The following LRRK2 variants were observed in gnomAD, a reference collection of about 807,000 sequenced individuals.
LRRK2 encodes leucine-rich repeat serine/threonine-protein kinase 2.
A neutral mutation model predicts 302.6 loss-of-function variants in LRRK2; 203 were observed. The observed-to-expected ratio is 0.67, with a 90% CI of 0.60 to 0.75. The LOEUF (loss-of-function observed/expected upper bound fraction) is 0.75, where lower values mean the gene tolerates loss of function less well. LRRK2 is among the 30% of genes least tolerant of loss of function. The probability of loss-of-function intolerance (pLI) is 0.00; values close to 1 mark genes in which losing one functional copy is unlikely to be tolerated. For missense variants in LRRK2, 2,830 were observed against 2,951.0 expected, an observed-to-expected ratio of 0.96 and a Z score of 0.95; for synonymous variants, 1,066 against 1,031.9, an observed-to-expected ratio of 1.03 and a Z score of -0.63.
rs878853311 is a variant in LRRK2 at position 40,359,422 on chromosome 12, A to G, written c.7006A>G (p.Ile2336Val). The change falls in exon 47 of 51, where the codon ATT becomes GTT. Residue 2336 changes from isoleucine (I) to valine (V), a missense_variant. By Grantham distance (29) the Ile-to-Val change is conservative. Transcript: ENST00000298910. Reference protein sequence around the residue: ...FSNDFTIQKLIETRTSQLFSY... With the variant: ...FSNDFTIQKLVETRTSQLFSY... ...TAATGATTTCACCATTCAGAAACTCATTGAGACAAGAACAAGCCAACTGTA... is the reference window on the plus strand; with the variant it reads ...TAATGATTTCACCATTCAGAAACTCGTTGAGACAAGAACAAGCCAACTGTA... The G allele has an allele frequency of 6.2e-7, 1 of 1,612,162 alleles. No homozygotes were observed. Among genetic ancestry groups the G allele is most frequent in the Non-Finnish European group, 8.5e-7 (1 of 1,178,466 alleles).
At chr12:40,299,583 G>A (rs1212371308) in intron 25 of LRRK2, among the ~76,000 whole-genome samples, 2 of 152,124 alleles carry the variant, frequency 1.3e-5, no homozygotes, top group Non-Finnish European at 2.9e-5. Flanking sequence ...GGGGTTAGGG[G>A]AGGGAGAGAT....
intron 28 of LRRK2, among the ~76,000 whole-genome samples, chr12:40,306,842 T>C (rs1294704955): frequency 6.6e-6 from 1 of 152,140 alleles, no homozygotes; most frequent in Non-Finnish European, 1.5e-5. Context: ...AAGGATTTTG[T>C]TTTCTGAACT....
At chr12:40,276,115 G>A (rs1943441268) in intron 16 of LRRK2, among the ~76,000 whole-genome samples, 1 of 152,112 alleles carries the variant, frequency 6.6e-6, no homozygotes, top group African/African-American at 2.4e-5. Context: ...CCTCAGGCTA[G>A]GCTGATTAAA....
intron 43 of LRRK2, 33 bp downstream of exon 43, chr12:40,348,542 G>C: frequency 7.1e-7 from 1 of 1,408,782 alleles, no homozygotes; most frequent in Non-Finnish European, 1.0e-6. Flanking sequence ...ATTTTGTACA[G>C]AACATCATTT....
chr12:40,296,983 A>G (rs910205462), intron 23 of LRRK2, among the ~76,000 whole-genome samples: 1 of 152,240 alleles, frequency 6.6e-6, no homozygotes, highest in Admixed American at 6.5e-5. Context: ...CTCCATGTCC[A>G]TAACACCTGA....
intron 23 of LRRK2, among the ~76,000 whole-genome samples, chr12:40,297,457 T>A (rs900078977): frequency 6.6e-6 from 1 of 152,214 alleles, no homozygotes; most frequent in East Asian, 1.9e-4. Context: ...GGAATAATTT[T>A]AAAATCTTTA....
At chr12:40,240,654 T>A in intron 6 of LRRK2, 37 bp downstream of exon 6, 3 of 1,584,424 alleles carry the variant, frequency 1.9e-6, no homozygotes, top group Non-Finnish European at 2.6e-6. Context: ...TTTTTGTATC[T>A]GAAAAATTAC....
rs201211726 is a variant in LRRK2 at position 40,287,340 on chromosome 12, C to T, written c.2501-11C>T. On this transcript the variant is annotated splice_polypyrimidine_tract_variant and intron_variant, in intron 19 of 50. Transcript: ENST00000298910. ...TGATTTCTAAGTTGCTGGTGTATCT[C>T]TTATTTTCAGATATAGCATCTACAC... 1.9e-6 allele frequency: 3 copies of T among 1,609,390 alleles called. No individual in the cohort carries two copies. The highest frequency in any genetic ancestry group is 2.5e-6 in the Non-Finnish European group (3 of 1,177,174).
At chr12:40,365,187 C>A in intron 49 of LRRK2, 137 bp downstream of exon 49, 1 of 773,026 alleles carries the variant, frequency 1.3e-6, no homozygotes, top group Non-Finnish European at 2.1e-6. Context: ...AAACATAAGA[C>A]TGGTATAAAT....
At chr12:40,365,316 AGGC>A in intron 49 of LRRK2, 2 of 397,408 alleles carry the variant, frequency 5.0e-6, no homozygotes, top group African/African-American at 2.0e-5. Flanking sequence ...TTTTTACCTA[AGGC>A]AAAAATGGGA....
Position 40,293,566 on chromosome 12 carries a change from T to C in LRRK2, c.2711T>C (p.Val904Ala), listed in dbSNP as rs1177645075. The C allele has an allele frequency of 6.2e-7, 1 of 1,608,244 alleles. No homozygotes were observed. Among genetic ancestry groups the C allele is most frequent in the Admixed American group, 1.7e-5 (1 of 59,688 alleles). Residue 904 changes from valine to alanine, a missense_variant, in exon 21 of 51, where the codon GTG (valine) becomes GCG (alanine). Val to Ala is a moderately conservative substitution (Grantham distance 64). Around this residue, in one of 3 missense-constraint regions of LRRK2, gnomAD observed 2,121 missense variants for 2,148.0 expected, o/e 0.99. Transcript: ENST00000298910. ...ATAGGAAGTGAAGGCTCATTTCTTG[T>C]GAAAAAGAAATCTAATTCAATTAGT... ...DSEGSEGSFL[V>A]KKKSNSISVG...
rs201389324 is a variant in LRRK2 at position 40,278,025 on chromosome 12, T to G, written c.2070+9T>G. 1 of 1,613,816 alleles carries G rather than the reference T, an allele frequency of 6.2e-7. No individual in the cohort carries two copies. Among genetic ancestry groups the G allele is most frequent in the Non-Finnish European group, 8.5e-7 (1 of 1,179,978 alleles). On this transcript the variant is annotated intron_variant, in intron 17 of 50. Transcript: ENST00000298910. ...AACAAAAGGATCAACAGGTACAGTG[T>G]TTTTCACTTGCATCCTAAATGTTAT...
rs1325855598 is a variant in LRRK2, at chr12:40,287,362, A to G, written c.2512A>G (p.Thr838Ala). The G allele has an allele frequency of 6.2e-7, 1 of 1,611,974 alleles. No homozygotes were observed. Among genetic ancestry groups the G allele is most frequent in the Non-Finnish European group, 8.5e-7 (1 of 1,178,714 alleles). ...TCTCTTATTTTCAGATATAGCATCT[A>G]CACTAGCAAGAATGGTGATCAGATA... ...NLRKQTNIAS[T>A]LARMVIRYQM... Residue 838 changes from threonine to alanine, a missense_variant, in exon 20 of 51, where the codon ACA becomes GCA. By Grantham distance (58) the Thr-to-Ala change is moderately conservative. Around this residue, in one of 3 missense-constraint regions of LRRK2, gnomAD observed 2,121 missense variants for 2,148.0 expected, o/e 0.99. Transcript: ENST00000298910.
chr12:40,364,760 ATGT>A (rs1226898268), intron 48 of LRRK2, 79 bp from the exon 49 acceptor site: 11 of 1,107,010 alleles, frequency 9.9e-6, no homozygotes, highest in Admixed American at 2.0e-5. Context: ...ATAATTTAAA[ATGT>A]TGTTTATGTT....
intron 13 of LRRK2, among the ~76,000 whole-genome samples, chr12:40,261,470 C>T (rs2136530156): frequency 6.6e-6 from 1 of 152,140 alleles, no homozygotes; most frequent in East Asian, 1.9e-4. Flanking sequence ...CACTTGAGGA[C>T]TGTACTTAAT....
intron 5 of LRRK2, 43 bp from the exon 6 acceptor site, chr12:40,240,440 A>G: frequency 6.3e-7 from 1 of 1,575,476 alleles, no homozygotes; most frequent in Middle Eastern, 2.0e-4. Flanking sequence ...AAACTTTCAT[A>G]TCATCTTTAA....
At chr12:40,297,078 G>A (rs1229628770) in intron 23 of LRRK2, among the ~76,000 whole-genome samples, 1 of 152,146 alleles carries the variant, frequency 6.6e-6, no homozygotes, top group Non-Finnish European at 1.5e-5. Context: ...TTTGAGGACA[G>A]GACTTGTTTC....
chr12:40,337,283 C>T (rs879860596), intron 40 of LRRK2, among the ~76,000 whole-genome samples: 2 of 152,224 alleles, frequency 1.3e-5, no homozygotes. Context: ...ACTTTCTTCA[C>T]GTTACATGCT....
At chr12:40,344,762 T>A (rs144386354) in intron 41 of LRRK2, among the ~76,000 whole-genome samples, 14 of 152,272 alleles carry the variant, frequency 9.2e-5, no homozygotes, top group Non-Finnish European at 1.6e-4. Flanking sequence ...ATTATGGTTA[T>A]ATAGGAAAAT....
Sources: gnomAD v4.1 joint callset for allele counts (sites outside exome capture counted in the v4.1 genomes callset) on GRCh38, gnomAD v4.1.1 for gene constraint, gnomAD v4.1.1 regional missense constraint, MANE v1.5 for transcripts, NCBI Gene and HGNC (gene_info 2026-07-23, HGNC 2026-07-21) for gene names.